CDH13: variants seen among roughly 807,000 people sequenced by gnomAD.
CDH13 encodes the protein cadherin-13.
Under a neutral mutation model 63.8 loss-of-function variants are expected in CDH13, and 24 were observed. The ratio of observed to expected loss-of-function variants is 0.38; its 90% CI spans 0.27 to 0.53. The LOEUF is 0.53. Ranked by LOEUF, CDH13 falls within the 20% of genes least tolerant of loss-of-function variation. CDH13 has a pLI of 0.85. For missense variants in CDH13, 1,049 were observed against 903.1 expected, an observed-to-expected ratio of 1.16 and a Z score of -2.07; for synonymous variants, 503 against 355.3, an observed-to-expected ratio of 1.42 and a Z score of -4.67.
intron 5 of CDH13, among the ~76,000 whole-genome samples, chr16:83,221,817 G>C (rs1232679638): frequency 1.3e-5 from 2 of 152,222 alleles, no homozygotes; most frequent in East Asian, 3.9e-4. Flanking sequence ...TCAGAGCTGG[G>C]TGGGAGAAGA....
intron 7 of CDH13, among the ~76,000 whole-genome samples, chr16:83,490,611 C>T (rs1448489019): frequency 2.0e-5 from 3 of 152,192 alleles, no homozygotes; most frequent in East Asian, 3.9e-4. Context: ...AATGCTCAAA[C>T]ATGCAATTTG....
intron 5 of CDH13, among the ~76,000 whole-genome samples, chr16:83,317,626 C>T (rs555162310): frequency 2.0e-5 from 3 of 152,176 alleles, no homozygotes; most frequent in Non-Finnish European, 2.9e-5. Context: ...CATGGTGAAA[C>T]CCCATCTCTG....
intron 4 of CDH13, among the ~76,000 whole-genome samples, chr16:83,142,872 G>A (rs1207728720): frequency 6.6e-6 from 1 of 152,188 alleles, no homozygotes; most frequent in Non-Finnish European, 1.5e-5. Context: ...GGAGGCCGAG[G>A]CGGGCAGATC....
At chr16:82,686,570 A>G (rs1307491509) in intron 1 of CDH13, among the ~76,000 whole-genome samples, 1 of 152,254 alleles carries the variant, frequency 6.6e-6, no homozygotes. Flanking sequence ...ACTATGGAAG[A>G]TGAGTCCATT....
At chr16:83,593,622 G>A (rs1253169152) in intron 7 of CDH13, among the ~76,000 whole-genome samples, 1 of 151,606 alleles carries the variant, frequency 6.6e-6, no homozygotes, top group Non-Finnish European at 1.5e-5. Flanking sequence ...TATAAAACAT[G>A]TTATTTGTCC....
chr16:83,180,737 A>G (rs2038318008), intron 4 of CDH13: 4 of 646,260 alleles, frequency 6.2e-6, no homozygotes, highest in African/African-American at 3.7e-5. Context: ...AATTCTAGAA[A>G]AACGGTCACT....
intron 4 of CDH13, among the ~76,000 whole-genome samples, chr16:83,145,328 A>G (rs538897582): frequency 1.6e-4 from 24 of 152,292 alleles, no homozygotes; most frequent in African/African-American, 5.3e-4. Context: ...GTTGTTTGAA[A>G]CCCAACAGTT....
intron 1 of CDH13, among the ~76,000 whole-genome samples, chr16:82,779,721 G>A (rs1715566679): frequency 1.3e-5 from 2 of 152,170 alleles, no homozygotes; most frequent in Non-Finnish European, 2.9e-5. Flanking sequence ...TTTCAACAGA[G>A]GAATGCAGAG....
chr16:82,794,915 G>C (rs766715862), intron 1 of CDH13, among the ~76,000 whole-genome samples: 6 of 152,286 alleles, frequency 3.9e-5, no homozygotes, highest in South Asian at 2.1e-4. Context: ...CCAAGATTCA[G>C]GACTTAAAGA....
chr16:83,164,139 A>G (rs144109768), intron 4 of CDH13, among the ~76,000 whole-genome samples: 1 of 150,626 alleles, frequency 6.6e-6, no homozygotes, highest in East Asian at 2.0e-4. Context: ...CAAACACTAC[A>G]GCGTAGGTTG....
intron 6 of CDH13, among the ~76,000 whole-genome samples, chr16:83,423,353 A>G (rs752583540): frequency 8.5e-5 from 13 of 152,210 alleles, no homozygotes; most frequent in Non-Finnish European, 1.8e-4. Flanking sequence ...GAAGAAAAAA[A>G]GCCTAAAGCC....
chr16:82,735,531 T>A (rs1043339344), intron 1 of CDH13, among the ~76,000 whole-genome samples: 1 of 152,224 alleles, frequency 6.6e-6, no homozygotes, highest in Non-Finnish European at 1.5e-5. Context: ...ATCAAGAAAT[T>A]GTATTCCATA....
chr16:83,747,272 C>T (rs1030239449), intron 10 of CDH13, among the ~76,000 whole-genome samples: 4 of 152,126 alleles, frequency 2.6e-5, no homozygotes, highest in African/African-American at 9.7e-5. Flanking sequence ...TGGGAGGGAC[C>T]CTGTGGGAGG....
At chr16:83,352,550 C>CCATA (rs1345529423) in intron 6 of CDH13, among the ~76,000 whole-genome samples, 1 of 152,182 alleles carries the variant, frequency 6.6e-6, no homozygotes, top group Non-Finnish European at 1.5e-5. Context: ...CATCACCACA[C>CCATA]CATACATACA....
intron 8 of CDH13, among the ~76,000 whole-genome samples, chr16:83,648,665 T>C (rs1361500621): frequency 3.3e-5 from 5 of 152,126 alleles, no homozygotes; most frequent in African/African-American, 1.2e-4. Flanking sequence ...AGAACACAGC[T>C]CTTGATTCGC....
chr16:82,959,489 C>T (rs867454590), intron 2 of CDH13, among the ~76,000 whole-genome samples: 4 of 152,204 alleles, frequency 2.6e-5, no homozygotes, highest in Admixed American at 1.3e-4. Flanking sequence ...TCTTCCCTCT[C>T]CCAGTTTCTA....
chr16:83,191,508 C>T (rs1488494786), intron 4 of CDH13, among the ~76,000 whole-genome samples: 34 of 70,116 alleles, frequency 4.8e-4, no homozygotes, highest in African/African-American at 1.4e-3. Flanking sequence ...TATATATACA[C>T]ACACACACAC....
intron 3 of CDH13, among the ~76,000 whole-genome samples, chr16:83,068,813 A>G (rs1190901775): frequency 6.6e-6 from 1 of 152,164 alleles, no homozygotes; most frequent in East Asian, 1.9e-4. Flanking sequence ...CCTGCTTGCC[A>G]ATTTTTCTGC....
At chr16:82,853,133 G>C (rs1402674714) in intron 1 of CDH13, among the ~76,000 whole-genome samples, 1 of 152,184 alleles carries the variant, frequency 6.6e-6, no homozygotes, top group Non-Finnish European at 1.5e-5. Context: ...TCTCTGAGCT[G>C]CTACTTTAAA....
Sources: allele counts gnomAD v4.1 joint callset (sites outside exome capture counted in the v4.1 genomes callset), GRCh38; gene constraint gnomAD v4.1.1; transcripts MANE v1.5; gene names NCBI Gene and HGNC (gene_info 2026-07-23, HGNC 2026-07-21).